Variants in NPIPB2 observed in about 807,000 individuals in gnomAD.
NPIPB2 encodes the protein nuclear pore complex-interacting protein family member B2.
NPIPB2 carries 27 observed loss-of-function variants against 30.8 expected under a neutral mutation model. That is an observed-to-expected ratio of 0.88 (90% CI 0.65 to 1.21). NPIPB2 has a LOEUF of 1.21. Ranked by LOEUF, NPIPB2 falls within the 50% of genes most tolerant of loss-of-function variation. The probability of loss-of-function intolerance (pLI) is 0.00; values close to 1 mark genes in which losing one functional copy is unlikely to be tolerated. For missense variants in NPIPB2, 440 were observed against 446.2 expected (o/e 0.99, Z 0.13); for synonymous variants, 147 against 162.0 (o/e 0.91, Z 0.70).
chr16:11,966,466 A>T (rs2055195159), intron 1 of NPIPB2: 2 of 970,876 alleles, frequency 2.1e-6, no homozygotes, highest in Admixed American at 5.8e-5. Flanking sequence ...GTGTTAGAAC[A>T]TTGTTACATT....
At chr16:11,976,340 C>A (rs946266250) in intron 1 of NPIPB2, among the ~76,000 whole-genome samples, 1 of 152,244 alleles carries the variant, frequency 6.6e-6, no homozygotes, top group Non-Finnish European at 1.5e-5. Flanking sequence ...GGGTTCCTCT[C>A]ATCATCCAGG....
intron 1 of NPIPB2, among the ~76,000 whole-genome samples, chr16:11,974,260 G>C (rs2055253701): frequency 6.6e-6 from 1 of 152,188 alleles, no homozygotes; most frequent in Admixed American, 6.5e-5. Flanking sequence ...GCTCATGCCT[G>C]TAATCCCAGC....
chr16:11,955,212 G>A (rs909967747), intron 1 of NPIPB2, among the ~76,000 whole-genome samples: 1 of 151,464 alleles, frequency 6.6e-6, no homozygotes, highest in Non-Finnish European at 1.5e-5. Flanking sequence ...AAATTAGCTG[G>A]CCGTCGTGGC....
intron 1 of NPIPB2, among the ~76,000 whole-genome samples, chr16:11,962,796 C>T (rs1310041501): frequency 6.6e-6 from 1 of 151,872 alleles, no homozygotes; most frequent in Admixed American, 6.6e-5. Context: ...TGGCTGGGCG[C>T]GGTGGCTCAC....
chr16:11,967,470 C>T (rs2055204022), intron 1 of NPIPB2: 15 of 1,266,090 alleles, frequency 1.2e-5, no homozygotes, highest in Non-Finnish European at 1.4e-5. Context: ...ATGAAAAAAT[C>T]TCTCTCACAT....
chr16:11,951,668 C>CACACACACACACACACACCCCCA (rs1596500890), intron 1 of NPIPB2, among the ~76,000 whole-genome samples: 1 of 63,678 alleles, frequency 1.6e-5, no homozygotes, highest in Non-Finnish European at 4.0e-5. Context: ...ACACACACAC[C>CACACACACACACACACACCCCCA]CAGCCCCCAA....
chr16:11,940,751 C>T (rs78071515), intron 1 of NPIPB2, among the ~76,000 whole-genome samples: 5,827 of 98,850 alleles, frequency 0.059, 313 homozygotes, highest in African/African-American at 0.17. Flanking sequence ...CAGAGTGAGA[C>T]TCTGTCTAAA....
chr16:11,937,563 T>A (rs755231499), exon 2 of NPIPB2: 1 of 1,599,206 alleles, frequency 6.3e-7, no homozygotes, highest in Non-Finnish European at 8.5e-7. Context: ...GTCCAGAGGG[T>A]AAGGACAACT....
At chr16:11,945,784 C>T (rs2055001450), upstream of NPIPB2, among the ~76,000 whole-genome samples, 1 of 151,970 alleles carries the variant, frequency 6.6e-6, no homozygotes, top group East Asian at 1.9e-4. Context: ...GTGCCCTCTC[C>T]TCCTTCTATT....
At chr16:11,970,427 G>T (rs1247354114) in intron 1 of NPIPB2, among the ~76,000 whole-genome samples, 1 of 152,008 alleles carries the variant, frequency 6.6e-6, no homozygotes, top group Non-Finnish European at 1.5e-5. Flanking sequence ...TGGTCAGGCT[G>T]GTCTCGGACT....
chr16:11,953,306 C>T (rs1285710587), intron 1 of NPIPB2, among the ~76,000 whole-genome samples: 2 of 151,458 alleles, frequency 1.3e-5, no homozygotes, highest in African/African-American at 2.4e-5. Flanking sequence ...CCACCACGCC[C>T]GGCTAATTTT....
chr16:11,927,369 T>C (rs894924867), downstream of NPIPB2: 5 of 879,546 alleles, frequency 5.7e-6, no homozygotes, highest in African/African-American at 6.6e-5. Context: ...TTTATTCTTA[T>C]TGCTCAGGCT....
chr16:11,946,804 G>A (rs1243277381), upstream of NPIPB2, among the ~76,000 whole-genome samples: 6 of 151,960 alleles, frequency 3.9e-5, no homozygotes, highest in Non-Finnish European at 8.8e-5. Context: ...TGAGAGGAAT[G>A]AAAGCATATG....
intron 1 of NPIPB2, among the ~76,000 whole-genome samples, chr16:11,955,587 C>T (rs986942600): frequency 3.3e-5 from 5 of 151,470 alleles, no homozygotes; most frequent in Middle Eastern, 3.4e-3. Flanking sequence ...CATGGTGGCA[C>T]GCCCCTTTAT....
At chr16:11,961,308 T>C (rs2055151135) in intron 1 of NPIPB2, among the ~76,000 whole-genome samples, 1 of 152,164 alleles carries the variant, frequency 6.6e-6, no homozygotes, top group Admixed American at 6.6e-5. Context: ...CTGTCCTGCC[T>C]AGGCAGCCTC....
chr16:11,947,238 C>G (rs1226387184), intron 1 of NPIPB2, among the ~76,000 whole-genome samples: 2 of 147,162 alleles, frequency 1.4e-5, no homozygotes, highest in Admixed American at 1.4e-4. Context: ...TGTGAGCCAC[C>G]ATGCCCAGCC....
intron 1 of NPIPB2, among the ~76,000 whole-genome samples, chr16:11,974,510 C>T (rs575847268): frequency 2.6e-5 from 4 of 151,866 alleles, no homozygotes; most frequent in African/African-American, 9.7e-5. Context: ...GAGTGAGACT[C>T]CATCTCAAAA....
intron 1 of NPIPB2, among the ~76,000 whole-genome samples, chr16:11,975,388 C>A (rs11075039): frequency 2.0e-5 from 3 of 150,074 alleles, no homozygotes; most frequent in Non-Finnish European, 3.0e-5. Context: ...ACCTCGTGAT[C>A]CGCCCGCCTC....
At chr16:11,934,740 C>T (rs425900) in intron 2 of NPIPB2, among the ~76,000 whole-genome samples, 140,710 of 144,814 alleles carry the variant, frequency 0.97, 68,496 homozygotes, top group East Asian at 1. Flanking sequence ...ACGCCTGTAG[C>T]CCCAGCTACT....
Sources: allele counts gnomAD v4.1 joint callset (sites outside exome capture counted in the v4.1 genomes callset), GRCh38; gene constraint gnomAD v4.1.1; transcripts MANE v1.5; gene names NCBI Gene and HGNC (gene_info 2026-07-23, HGNC 2026-07-21).